Variants in LSAMP observed in about 807,000 individuals in gnomAD.
The protein encoded by LSAMP is limbic system associated membrane protein.
LSAMP carries 7 observed loss-of-function variants against 38.6 expected under a neutral mutation model. The ratio of observed to expected loss-of-function variants is 0.18; its 90% CI spans 0.10 to 0.34. The LOEUF (loss-of-function observed/expected upper bound fraction) is 0.34, where lower values mean the gene tolerates loss of function less well. Ranked by LOEUF, LSAMP falls within the 10% of genes least tolerant of loss-of-function variation. The pLI is 1.00. For missense variants in LSAMP, 313 were observed against 420.0 expected (o/e 0.75, Z 2.23); for synonymous variants, 154 against 166.8 (o/e 0.92, Z 0.59).
intron 1 of LSAMP, among the ~76,000 whole-genome samples, chr3:116,378,313 G>C (rs2048517574): frequency 6.6e-6 from 1 of 151,890 alleles, no homozygotes; most frequent in African/African-American, 2.4e-5. Context: ...CCAGACTCTT[G>C]CTGGCACACT....
intron 1 of LSAMP, among the ~76,000 whole-genome samples, chr3:116,372,912 A>AAATT (rs2048447760): frequency 6.6e-6 from 1 of 151,318 alleles, no homozygotes; most frequent in Non-Finnish European, 1.5e-5. Context: ...AGAAGCAAAT[A>AAATT]AATTAAAACA....
intron 1 of LSAMP, among the ~76,000 whole-genome samples, chr3:116,400,146 G>A (rs1211332662): frequency 1.3e-5 from 2 of 151,982 alleles, no homozygotes; most frequent in African/African-American, 4.8e-5. Flanking sequence ...ATACCAGGAG[G>A]AGCTAGCTGA....
At chr3:116,144,210 T>C (rs1388336610) in intron 1 of LSAMP, among the ~76,000 whole-genome samples, 1 of 152,038 alleles carries the variant, frequency 6.6e-6, no homozygotes, top group Non-Finnish European at 1.5e-5. Flanking sequence ...TTATATATGC[T>C]TCCACTTAAG....
chr3:115,917,686 G>A (rs1937282812), intron 3 of LSAMP, among the ~76,000 whole-genome samples: 2 of 148,846 alleles, frequency 1.3e-5, no homozygotes, highest in African/African-American at 2.5e-5. Context: ...CTGAAAACAC[G>A]CTTTGGAGGA....
chr3:116,297,101 C>T (rs2107701058), intron 1 of LSAMP, among the ~76,000 whole-genome samples: 1 of 152,216 alleles, frequency 6.6e-6, no homozygotes, highest in African/African-American at 2.4e-5. Flanking sequence ...ATGGAGTCTA[C>T]AAACAAAACA....
chr3:116,413,913 A>T (rs185450255), intron 1 of LSAMP, among the ~76,000 whole-genome samples: 21 of 151,370 alleles, frequency 1.4e-4, no homozygotes, highest in African/African-American at 4.8e-4. Context: ...AAAAAAAAAA[A>T]CAAACCAAAA....
chr3:115,874,094 G>T (rs1032021265), intron 3 of LSAMP, among the ~76,000 whole-genome samples: 6 of 152,102 alleles, frequency 3.9e-5, no homozygotes, highest in Admixed American at 3.9e-4. Flanking sequence ...TACATCTAAT[G>T]AAGACTTGAA....
intron 4 of LSAMP, among the ~76,000 whole-genome samples, chr3:115,849,713 T>A (rs1279222569): frequency 6.6e-6 from 1 of 152,220 alleles, no homozygotes; most frequent in Non-Finnish European, 1.5e-5. Flanking sequence ...CTTGGTTCCA[T>A]AATTCAATCT....
In LSAMP at chr3:116,160,756, A is replaced by T. The variant is rs78186508; in HGVS notation, c.156-74200T>A. On this transcript the variant is annotated intron_variant, in intron 1 of 6. Transcript: ENST00000490035. ...TGTAATGGATGTGAGGACATACTCTATGAAGCAGTCTGAAACTTCATTGCA... is the reference window on the plus strand; with the variant it reads ...TGTAATGGATGTGAGGACATACTCTTTGAAGCAGTCTGAAACTTCATTGCA... Among the ~76,000 whole-genome samples, 69 of 152,332 alleles carry T rather than the reference A, an allele frequency of 4.5e-4. 1 individual carries two copies. In the South Asian group the frequency reaches 0.014, roughly 31 times the overall value.
chr3:116,366,764 A>G (rs1348480847), intron 1 of LSAMP, among the ~76,000 whole-genome samples: 1 of 152,180 alleles, frequency 6.6e-6, no homozygotes, highest in Non-Finnish European at 1.5e-5. Context: ...CTTTACTACA[A>G]TAAAAGTGGT....
intron 1 of LSAMP, among the ~76,000 whole-genome samples, chr3:116,197,043 T>C (rs2107587840): frequency 1.3e-5 from 2 of 152,208 alleles, no homozygotes; most frequent in East Asian, 3.9e-4. Context: ...TCAGTGATTC[T>C]CTTCCAAATA....
chr3:116,135,228 C>T (rs1244125976), intron 1 of LSAMP, among the ~76,000 whole-genome samples: 1 of 152,146 alleles, frequency 6.6e-6, no homozygotes, highest in African/African-American at 2.4e-5. Context: ...ACAAACATCA[C>T]CATCCATGTA....
intron 3 of LSAMP, among the ~76,000 whole-genome samples, chr3:115,854,898 A>T (rs914632313): frequency 1.3e-5 from 2 of 152,248 alleles, no homozygotes; most frequent in Non-Finnish European, 2.9e-5. Flanking sequence ...AATAGAAAGT[A>T]AGATAGCATT....
intron 1 of LSAMP, among the ~76,000 whole-genome samples, chr3:116,259,425 T>C (rs1160962995): frequency 5.9e-5 from 9 of 152,150 alleles, no homozygotes; most frequent in Non-Finnish European, 8.8e-5. Context: ...TTTAGACCGG[T>C]TCATTTTCAG....
At chr3:116,385,137 C>T (rs1009300230) in intron 1 of LSAMP, among the ~76,000 whole-genome samples, 7 of 150,736 alleles carry the variant, frequency 4.6e-5, no homozygotes, top group African/African-American at 9.8e-5. Context: ...AGAAAGAAGG[C>T]GAAAAGGAAA....
At chr3:116,008,051 C>T (rs757313239) in intron 3 of LSAMP, among the ~76,000 whole-genome samples, 12 of 152,178 alleles carry the variant, frequency 7.9e-5, no homozygotes, top group Non-Finnish European at 1.5e-4. Context: ...GCTTTCCAGT[C>T]TTGAAGTTAG....
At chr3:115,903,359 G>A (rs532375216) in intron 3 of LSAMP, among the ~76,000 whole-genome samples, 2 of 152,280 alleles carry the variant, frequency 1.3e-5, no homozygotes, top group African/African-American at 4.8e-5. Context: ...TTAGAGCAGG[G>A]AGAGGATCAG....
At chr3:115,917,582 T>G (rs1055334377) in intron 3 of LSAMP, among the ~76,000 whole-genome samples, 2 of 152,192 alleles carry the variant, frequency 1.3e-5, no homozygotes, top group African/African-American at 4.8e-5. Flanking sequence ...TATTTAAATA[T>G]TTTCCAATTT....
At chr3:115,846,642 C>T (rs970536861) in intron 4 of LSAMP, among the ~76,000 whole-genome samples, 3 of 152,122 alleles carry the variant, frequency 2.0e-5, no homozygotes, top group Admixed American at 6.5e-5. Flanking sequence ...CAGTACTTGA[C>T]AGACCATGGA....
Sources: allele counts gnomAD v4.1 joint callset (sites outside exome capture counted in the v4.1 genomes callset), GRCh38; gene constraint gnomAD v4.1.1; transcripts MANE v1.5; gene names NCBI Gene and HGNC (gene_info 2026-07-23, HGNC 2026-07-21).